Variants in ZFAND1 observed in about 807,000 individuals in gnomAD.
The protein encoded by ZFAND1 is zinc finger AN1-type containing 1, also known as AN1-type zinc finger protein 1.
Under a neutral mutation model 38.5 loss-of-function variants are expected in ZFAND1, and 40 were observed. That is an observed-to-expected ratio of 1.04 (90% CI 0.81 to 1.35). The LOEUF is 1.35. Among genes scored for constraint, ZFAND1 ranks in the 40% most tolerant of loss-of-function variants. The pLI, the probability that ZFAND1 is intolerant of heterozygous loss-of-function variation, is 0.00. For missense variants in ZFAND1, 346 were observed against 316.3 expected, an observed-to-expected ratio of 1.09 and a Z score of -0.71; for synonymous variants, 117 against 103.6, an observed-to-expected ratio of 1.13 and a Z score of -0.78.
At chr8:81,716,658 T>C (rs759545026) in intron 3 of ZFAND1, among the ~76,000 whole-genome samples, 2 of 152,154 alleles carry the variant, frequency 1.3e-5, no homozygotes, top group Non-Finnish European at 2.9e-5. Context: ...TTTATAAATA[T>C]ATAGCCTTGG....
chr8:81,718,781 C>G (rs1808386257), intron 1 of ZFAND1, among the ~76,000 whole-genome samples: 1 of 149,694 alleles, frequency 6.7e-6, no homozygotes, highest in Non-Finnish European at 1.5e-5. Flanking sequence ...ATATATACAC[C>G]TATAAGATTT....
chr8:81,704,772 T>C (rs1807924105), intron 6 of ZFAND1, among the ~76,000 whole-genome samples: 1 of 152,118 alleles, frequency 6.6e-6, no homozygotes, highest in African/African-American at 2.4e-5. Flanking sequence ...CTAAGGAATT[T>C]AGATTTGTTG....
rs1428825957 is a variant in ZFAND1, at chr8:81,718,242, T to C, written c.56-18A>G. ...AAGAAAATCTAAAATTGAGAGAAAA[T>C]GTATATACTGGTCAGTATCTGATTT... On this transcript the variant is annotated intron_variant, in intron 1 of 7. Coordinates refer to ENST00000220669, the MANE Select transcript of ZFAND1 (RefSeq NM_024699.3). 3 of 1,548,580 alleles carry C rather than the reference T, an allele frequency of 1.9e-6. No individual in the cohort carries two copies. Among genetic ancestry groups the C allele is most frequent in the Admixed American group, 3.8e-5 (2 of 53,070 alleles).
intron 4 of ZFAND1, 26 bp from the exon 5 acceptor site, chr8:81,714,921 A>G: frequency 6.2e-7 from 1 of 1,613,948 alleles, no homozygotes; most frequent in South Asian, 1.1e-5. Flanking sequence ...GAGTGACACT[A>G]GTTCATGTGT....
intron 1 of ZFAND1, 179 bp downstream of exon 1, chr8:81,721,048 G>A (rs1808456721): frequency 8.5e-6 from 5 of 587,878 alleles, no homozygotes; most frequent in Admixed American, 3.0e-5. Context: ...AAAGCTCACG[G>A]CCAAAAAAAA....
Position 81,702,959 on chromosome 8 carries a change from G to C in ZFAND1, c.636+10C>G, listed in dbSNP as rs761397327. 2.0e-6 allele frequency: 3 copies of C among 1,496,456 alleles called. No individual in the cohort carries two copies. The highest frequency in any genetic ancestry group is 2.7e-6 in the Non-Finnish European group (3 of 1,122,718). The allele number at this position is 1,496,456 out of a possible 1,614,324, so 92.7% of individuals were successfully genotyped here. ...ATTAATATAGAAATATTATTATAAT[G>C]AGATGTTACCTTAGCTGTAAATTTG... On this transcript the variant is annotated intron_variant, in intron 7 of 7. Transcript: ENST00000220669.
intron 6 of ZFAND1, among the ~76,000 whole-genome samples, chr8:81,708,278 A>C (rs1307918985): frequency 6.6e-6 from 1 of 151,356 alleles, no homozygotes; most frequent in Non-Finnish European, 1.5e-5. Context: ...AGGCTAATGC[A>C]AAACAAAACA....
At chr8:81,705,533 A>AT (rs1321852439) in intron 6 of ZFAND1, among the ~76,000 whole-genome samples, 1 of 152,254 alleles carries the variant, frequency 6.6e-6, no homozygotes, top group African/African-American at 2.4e-5. Context: ...TTTATTATAG[A>AT]TAAGTTTCTA....
chr8:81,711,840 AT>A (rs1483192912), intron 6 of ZFAND1, among the ~76,000 whole-genome samples: 1 of 152,186 alleles, frequency 6.6e-6, no homozygotes, highest in Non-Finnish European at 1.5e-5. Context: ...GAAGTAACAC[AT>A]TGGAATAGTA....
chr8:81,711,122 A>G (rs1391581133), intron 6 of ZFAND1, among the ~76,000 whole-genome samples: 4 of 152,216 alleles, frequency 2.6e-5, no homozygotes, highest in African/African-American at 7.2e-5. Context: ...TATATTAAAA[A>G]TAAACAAACT....
At chr8:81,713,814 C>G in intron 6 of ZFAND1, 104 bp downstream of exon 6, 1 of 1,140,164 alleles carries the variant, frequency 8.8e-7, no homozygotes, top group Non-Finnish European at 1.3e-6. Flanking sequence ...AAGAATGATA[C>G]ATACCAGGTT....
rs6415649 is a variant in ZFAND1, at chr8:81,702,355, T to C, written c.*340A>G. On this transcript the variant is annotated 3_prime_UTR_variant, in exon 8 of 8. Transcript: ENST00000220669. ...ATGTCCCAAAAGAGATCCCTTCCTT[T>C]GCCTTTGATCATGGTAAGAAGATGA... The C allele has an allele frequency of 0.89, 141,664 of 159,632 alleles. 62,931 individuals are homozygous for C. Among genetic ancestry groups the C allele is most frequent in the South Asian group, 0.95 (4,808 of 5,082 alleles). The allele number at this position is 159,632 out of a possible 1,614,324, so 9.9% of individuals were successfully genotyped here. A position where few individuals can be genotyped will look rare whatever the true frequency, so the allele number is the denominator to read the frequency against.
intron 6 of ZFAND1, among the ~76,000 whole-genome samples, chr8:81,707,914 TCAC>T: frequency 6.6e-6 from 1 of 152,062 alleles, no homozygotes; most frequent in Non-Finnish European, 1.5e-5. Flanking sequence ...AGCCCTCAGC[TCAC>T]ATCATATGCT....
rs768151000 is a variant in ZFAND1, at chr8:81,721,218, C to T, written c.55+9G>A. 6.5e-7 allele frequency: 1 copy of T among 1,547,760 alleles called. No homozygotes were observed. Among genetic ancestry groups the T allele is most frequent in the Admixed American group, 2.0e-5 (1 of 51,018 alleles). On this transcript the variant is annotated intron_variant, in intron 1 of 7. Transcript: ENST00000220669. ...GGCCGGGGATGGGGGCTGGAAGCTC[C>T]CGGATCACCTCGCTGCCGGCAATGC... is the stretch of plus-strand genomic sequence containing the variant.
At chr8:81,710,660 T>C (rs1030440426) in intron 6 of ZFAND1, among the ~76,000 whole-genome samples, 3 of 152,048 alleles carry the variant, frequency 2.0e-5, no homozygotes, top group Non-Finnish European at 4.4e-5. Context: ...CAAAAAAAGT[T>C]GAAATATAAA....
At position 81,713,860 on chromosome 8, in the gene ZFAND1, A is replaced by T; in HGVS notation, c.480+58T>A. On this transcript the variant is annotated intron_variant, in intron 6 of 7. Transcript: ENST00000220669. ...GTTAATTGATGGGAAGGAGGAATAC[A>T]AAGAGGACTTCAACTATATTTGAAA... 3 of 1,561,260 alleles carry T rather than the reference A, an allele frequency of 1.9e-6. No individual in the cohort carries two copies. The Admixed American group carries it at 5.1e-5, about 26-fold the overall frequency.
At chr8:81,719,707 A>T (rs1215529637) in intron 1 of ZFAND1, among the ~76,000 whole-genome samples, 6 of 152,186 alleles carry the variant, frequency 3.9e-5, no homozygotes. Context: ...TAGGATATAC[A>T]CTTGACGTAG....
At chr8:81,715,839 AATG>A (rs1451785604) in intron 3 of ZFAND1, among the ~76,000 whole-genome samples, 1 of 152,192 alleles carries the variant, frequency 6.6e-6, no homozygotes, top group African/African-American at 2.4e-5. Flanking sequence ...GCAATGGCCT[AATG>A]ATGTTTCAAT....
chr8:81,710,004 G>A (rs574210777), intron 6 of ZFAND1, among the ~76,000 whole-genome samples: 1 of 152,292 alleles, frequency 6.6e-6, no homozygotes, highest in African/African-American at 2.4e-5. Flanking sequence ...AAGTATTACT[G>A]AATACTTGAG....
Sources: gnomAD v4.1 joint callset for allele counts (sites outside exome capture counted in the v4.1 genomes callset) on GRCh38, gnomAD v4.1.1 for gene constraint, MANE v1.5 for transcripts, NCBI Gene and HGNC (gene_info 2026-07-23, HGNC 2026-07-21) for gene names.